The following SPRED3 variants were observed in gnomAD, a reference collection of about 807,000 sequenced individuals.
SPRED3 encodes sprouty-related, EVH1 domain-containing protein 3.
A neutral mutation model predicts 37.6 loss-of-function variants in SPRED3; 23 were observed. That is an observed-to-expected ratio of 0.61 (90% CI 0.44 to 0.87). SPRED3 has a LOEUF of 0.87. Among genes scored for constraint, SPRED3 ranks in the 40% least tolerant of loss-of-function variants. The pLI, the probability that SPRED3 is intolerant of heterozygous loss-of-function variation, is 0.00. For missense variants in SPRED3, 584 were observed against 618.6 expected (o/e 0.94, Z 0.59); for synonymous variants, 302 against 279.6 (o/e 1.08, Z -0.80).
Position 38,395,734 on chromosome 19 carries a change from AC to A in SPRED3, c.828del (p.Gly277AlafsTer53), listed in dbSNP as rs1191314432. 14 of 1,423,906 alleles carry A rather than the reference AC, an allele frequency of 9.8e-6. No individual in the cohort carries two copies. The Admixed American group carries it at 2.2e-4, about 22-fold the overall frequency. 88.2% of individuals were successfully genotyped at this position (1,423,906 alleles called of 1,614,324 possible). On this transcript the variant is annotated frameshift_variant, in exon 6 of 6. Transcript: ENST00000691638. LOFTEE classifies it high-confidence loss of function. This position sits in a 1 kb window ranked among gnomAD's most constrained non-coding sequence, Gnocchi z 5.2. ...CGCCCCCAGCGCCCCCCGCTCGCCC[AC>A]CCCCCGGCCCGGGCCCATCCTCTGC... Reference protein sequence around the residue: ...AAPPAPPARPPPGPGPSSAPA... With the variant: ...AAPPAPPARPXPGPGPSSAPA...
At position 38,395,619 on chromosome 19, in the gene SPRED3, C is replaced by T; in HGVS notation, c.707C>T (p.Thr236Ile). 1.3e-6 allele frequency: 2 copies of T among 1,548,206 alleles called. No individual in the cohort carries two copies. Among genetic ancestry groups the T allele is most frequent in the East Asian group, 2.6e-5 (1 of 38,894 alleles). Residue 236 changes from threonine to isoleucine, a missense_variant, in exon 6 of 6, where the codon ACC becomes ATC. Thr to Ile is a moderately conservative substitution (Grantham distance 89). Transcript: ENST00000691638. This position sits in a 1 kb window ranked among gnomAD's most constrained non-coding sequence, Gnocchi z 5.2. ...CCACCCGCGCCCCTCGCCCTGTCCA[C>T]CTGCGTCGTGCGCTTCGCCAAGACC... is the stretch of plus-strand genomic sequence containing the variant. ...SGPPAPLALS[T>I]CVVRFAKTGA...
In SPRED3 at chr19:38,396,459, G is replaced by T; in HGVS notation, c.*314G>T. 4.5e-6 allele frequency: 1 copy of T among 222,980 alleles called. No homozygotes were observed. The highest frequency in any genetic ancestry group is 8.7e-6 in the Non-Finnish European group (1 of 115,530). The allele number at this position is 222,980 out of a possible 1,614,324, so 13.8% of individuals were successfully genotyped here. On this transcript the variant is annotated 3_prime_UTR_variant, in exon 6 of 6. Transcript: ENST00000691638. The stretch of plus-strand genomic sequence containing the variant: ...TCTCAGAAAGGCCAGGGAGCACATA[G>T]ATCCCGAAAAGGGCAGGTCCCTGTT...
chr19:38,394,841 C>A, intron 5 of SPRED3, 55 bp downstream of exon 5: 2 of 1,473,322 alleles, frequency 1.4e-6, no homozygotes, highest in Admixed American at 2.4e-5. Context: ...ACTCGGGGCC[C>A]GAAGGGAGCG....
At position 38,395,487 on chromosome 19, in the gene SPRED3, CT is replaced by C; in HGVS notation, c.576del (p.Pro193ArgfsTer55). The stretch of plus-strand genomic sequence containing the variant: ...TGTCCCTTCGTTCCGCAGAGCTACC[CT>C]CCGCTTCTACCGTTCACGGGGATTC... ...QRRRSSAQSYPPLLPFTGIPE... is the reference protein window; with the variant it reads ...QRRRSSAQSYXPLLPFTGIPE... On this transcript the variant is annotated frameshift_variant, in exon 6 of 6. Coordinates refer to ENST00000691638, the MANE Select transcript of SPRED3 (RefSeq NM_001394336.1). LOFTEE classifies it high-confidence loss of function. The surrounding 1 kb of genome is among the most constrained non-coding windows in gnomAD (Gnocchi z 5.2). The C allele has an allele frequency of 6.7e-7, 1 of 1,495,884 alleles. No individual in the cohort carries two copies. Among genetic ancestry groups the C allele is most frequent in the Non-Finnish European group, 8.9e-7 (1 of 1,126,072 alleles). 92.7% of individuals were successfully genotyped at this position (1,495,884 alleles called of 1,614,324 possible).
intron 4 of SPRED3, among the ~76,000 whole-genome samples, chr19:38,394,205 A>G (rs759095077): frequency 2.6e-5 from 4 of 152,238 alleles, no homozygotes; most frequent in Admixed American, 6.5e-5. Flanking sequence ...GACTGCCCCA[A>G]TAACAGTGTG....
At chr19:38,392,882 C>A (rs545850755) in intron 4 of SPRED3, among the ~76,000 whole-genome samples, 19 of 152,302 alleles carry the variant, frequency 1.2e-4, no homozygotes, top group Admixed American at 4.6e-4. Context: ...CTCCTGCCCC[C>A]ACACATAGCC....
Position 38,398,536 on chromosome 19 carries a change from C to G in SPRED3, c.*2391C>G, listed in dbSNP as rs940321317. ...CAGGCATGAGCCACTGCACCTGGCT[C>G]TCTTCCACTTTAGAGTGAGAAGTTG... is the stretch of plus-strand genomic sequence containing the variant. On this transcript the variant is annotated 3_prime_UTR_variant, in exon 6 of 6. Transcript: ENST00000691638. The G allele has an allele frequency of 3.3e-5, 5 of 152,258 alleles. No homozygotes were observed. The highest frequency in any genetic ancestry group is 7.3e-5 in the Non-Finnish European group (5 of 68,092). The allele number at this position is 152,258 out of a possible 1,614,324, so 9.4% of individuals were successfully genotyped here. A position where few individuals can be genotyped will look rare whatever the true frequency, so the allele number is the denominator to read the frequency against.
In SPRED3 at chr19:38,397,996, G is replaced by A. The variant is rs1034403603; in HGVS notation, c.*1851G>A. The stretch of plus-strand genomic sequence containing the variant: ...GATGATTATGCAGGGTCTTCATTAA[G>A]TGAAGGCACACAGCCCAGGGTTTCG... On this transcript the variant is annotated 3_prime_UTR_variant, in exon 6 of 6. Transcript: ENST00000691638. The A allele has an allele frequency of 1.3e-5, 2 of 152,024 alleles. No individual in the cohort carries two copies. The highest frequency in any genetic ancestry group is 2.9e-5 in the Non-Finnish European group (2 of 68,042). The allele number at this position is 152,024 out of a possible 1,614,324, so 9.4% of individuals were successfully genotyped here.
chr19:38,397,851 G>A lies in SPRED3; in HGVS notation c.*1706G>A, dbSNP rs995776311. 1.3e-5 allele frequency: 2 copies of A among 151,570 alleles called. No homozygotes were observed. The highest frequency in any genetic ancestry group is 2.1e-4 in the South Asian group (1 of 4,828). 9.4% of individuals were successfully genotyped at this position (151,570 alleles called of 1,614,324 possible). On this transcript the variant is annotated 3_prime_UTR_variant, in exon 6 of 6. Coordinates refer to ENST00000691638, the MANE Select transcript of SPRED3 (RefSeq NM_001394336.1). ...TTTGGGAGGCCAAGGGAGGAGGATC[G>A]CTTAAGGCCAGGAGTTTGAGACCAG...
At chr19:38,394,616 C>A in intron 4 of SPRED3, 27 bp from the exon 5 acceptor site, 2 of 1,574,732 alleles carry the variant, frequency 1.3e-6, no homozygotes, top group Non-Finnish European at 1.7e-6. Flanking sequence ...GGCGTGTCCC[C>A]GCGCTGAGGC....
intron 2 of SPRED3, 33 bp downstream of exon 2, chr19:38,390,512 G>T: frequency 7.6e-7 from 1 of 1,311,730 alleles, no homozygotes. Context: ...GGGAGGGTAG[G>T]GACCTGGGGA....
In SPRED3 at chr19:38,394,800, G is replaced by T; in HGVS notation, c.567+14G>T. On this transcript the variant is annotated intron_variant, in intron 5 of 5. Coordinates refer to ENST00000691638, the MANE Select transcript of SPRED3 (RefSeq NM_001394336.1). The stretch of plus-strand genomic sequence containing the variant: ...TCCTCCGCTCAGGTGCGACCTGGGA[G>T]CCTGGGGCTCCTGGGGGAATGGGGC... The T allele has an allele frequency of 1.3e-6, 2 of 1,540,888 alleles. No homozygotes were observed. The highest frequency in any genetic ancestry group is 1.9e-4 in the Middle Eastern group (1 of 5,292).
intron 2 of SPRED3, among the ~76,000 whole-genome samples, chr19:38,390,775 C>G (rs983087564): frequency 2.3e-4 from 29 of 124,628 alleles, no homozygotes; most frequent in Middle Eastern, 3.6e-3. Flanking sequence ...CCCCCCCCCC[C>G]CCGCCCCGAC....
chr19:38,392,312 G>C lies in SPRED3; in HGVS notation c.423+24G>C, dbSNP rs779667212. The stretch of plus-strand genomic sequence containing the variant: ...CGGTGAGTGTCCAGGATGCCTCTCT[G>C]CTGGGGGAGGGTAGGGGTTTTGTTT... On this transcript the variant is annotated intron_variant, in intron 4 of 5. Transcript: ENST00000691638. 30 of 1,496,568 alleles carry C rather than the reference G, an allele frequency of 2.0e-5. No individual in the cohort carries two copies. The African/African-American group carries it at 3.2e-4, about 16-fold the overall frequency. The allele number at this position is 1,496,568 out of a possible 1,614,324, so 92.7% of individuals were successfully genotyped here. A position where few individuals can be genotyped will look rare whatever the true frequency, so the allele number is the denominator to read the frequency against.
intron 2 of SPRED3, among the ~76,000 whole-genome samples, chr19:38,391,279 CCA>C (rs1970829167): frequency 6.7e-6 from 1 of 148,422 alleles, no homozygotes; most frequent in Non-Finnish European, 1.5e-5. Context: ...ATGCTTGAGT[CCA>C]GAGTTTGAGA....
At chr19:38,390,771 C>G (rs559866331) in intron 2 of SPRED3, among the ~76,000 whole-genome samples, 13 of 115,054 alleles carry the variant, frequency 1.1e-4, no homozygotes, top group African/African-American at 1.9e-4. Context: ...ACTGCCCCCC[C>G]CCCCCCGCCC....
chr19:38,396,909 G>A lies in SPRED3; in HGVS notation c.*764G>A, dbSNP rs527607414. 6 of 152,206 alleles carry A rather than the reference G, an allele frequency of 3.9e-5. No individual in the cohort carries two copies. Among genetic ancestry groups the A allele is most frequent in the South Asian group, 2.1e-4 (1 of 4,824 alleles). 9.4% of individuals were successfully genotyped at this position (152,206 alleles called of 1,614,324 possible). A position where few individuals can be genotyped will look rare whatever the true frequency, so the allele number is the denominator to read the frequency against. On this transcript the variant is annotated 3_prime_UTR_variant, in exon 6 of 6. Transcript: ENST00000691638. ...GACTCTTAAGATGCACTGAGTGCTC[G>A]GATATACTGAAACACGAGCTGTTCT...
rs1484616405 is a variant in SPRED3 at position 38,395,792 on chromosome 19, G to A, written c.880G>A (p.Ala294Thr). 4.1e-6 allele frequency: 6 copies of A among 1,464,848 alleles called. No individual in the cohort carries two copies. Among genetic ancestry groups the A allele is most frequent in the Non-Finnish European group, 5.4e-6 (6 of 1,116,424 alleles). The allele number at this position is 1,464,848 out of a possible 1,614,324, so 90.7% of individuals were successfully genotyped here. Residue 294 changes from alanine (A) to threonine (T), a missense_variant, in exon 6 of 6, where the codon GCA (alanine) becomes ACA (threonine). Ala to Thr is a moderately conservative substitution (Grantham distance 58). This residue lies in a region of SPRED3 where 310 missense variants were observed against 281.1 expected (regional missense o/e 1.10). Coordinates refer to ENST00000691638, the MANE Select transcript of SPRED3 (RefSeq NM_001394336.1). The surrounding 1 kb of genome is among the most constrained non-coding windows in gnomAD (Gnocchi z 5.2). ...PAKASPEAEE[A>T]ARCVHCRALF... ...CAAGGCCTCCCCGGAAGCGGAGGAG[G>A]CAGCGCGCTGCGTGCATTGCCGCGC...
chr19:38,388,925 G>T (rs1323326065), intron 1 of SPRED3, 118 bp downstream of exon 1: 9 of 393,814 alleles, frequency 2.3e-5, no homozygotes, highest in Non-Finnish European at 4.0e-5. Context: ...CCCCGGCTAG[G>T]AGGACTAGAG....
Sources: allele counts gnomAD v4.1 joint callset (sites outside exome capture counted in the v4.1 genomes callset), GRCh38; gene constraint gnomAD v4.1.1; regional missense constraint gnomAD v4.1.1; non-coding constraint Gnocchi (gnomAD v3.1); transcripts MANE v1.5; gene names NCBI Gene and HGNC (gene_info 2026-07-23, HGNC 2026-07-21).